ZBTB20: variants seen among roughly 807,000 people sequenced by gnomAD.
ZBTB20 encodes zinc finger and BTB domain containing 20.
A neutral mutation model predicts 56.9 loss-of-function variants in ZBTB20; 9 were observed. The ratio of observed to expected loss-of-function variants is 0.16; its 90% CI spans 0.10 to 0.28. The LOEUF (loss-of-function observed/expected upper bound fraction) is 0.28, where lower values mean the gene tolerates loss of function less well. Ranked by LOEUF, ZBTB20 falls within the 10% of genes least tolerant of loss-of-function variation. The probability of loss-of-function intolerance (pLI) is 1.00; values close to 1 mark genes in which losing one functional copy is unlikely to be tolerated. For synonymous variants in ZBTB20, 417 were observed against 420.7 expected (o/e 0.99, Z 0.11); for missense variants, 655 against 1,003.0 (o/e 0.65, Z 4.69).
At chr3:114,703,020 G>C (rs191039724) in intron 5 of ZBTB20, among the ~76,000 whole-genome samples, 1 of 151,980 alleles carries the variant, frequency 6.6e-6, no homozygotes, top group Non-Finnish European at 1.5e-5. Flanking sequence ...GTGTTAGAGA[G>C]AGTGTGTGTG....
At chr3:114,540,799 T>C (rs1170213466) in intron 6 of ZBTB20, among the ~76,000 whole-genome samples, 1 of 152,084 alleles carries the variant, frequency 6.6e-6, no homozygotes, top group East Asian at 1.9e-4. Flanking sequence ...ATAGCAAATA[T>C]CCCTAATGAA....
At chr3:114,699,295 T>C (rs1314205254) in intron 5 of ZBTB20, among the ~76,000 whole-genome samples, 1 of 152,150 alleles carries the variant, frequency 6.6e-6, no homozygotes, top group East Asian at 1.9e-4. Flanking sequence ...TAAAAAATAC[T>C]GAGACAAATG....
At chr3:114,368,126 A>C (rs1407498938) in intron 10 of ZBTB20, among the ~76,000 whole-genome samples, 1 of 152,200 alleles carries the variant, frequency 6.6e-6, no homozygotes, top group Non-Finnish European at 1.5e-5. Flanking sequence ...CTTTACATGT[A>C]GTGTTCCATC....
intron 1 of ZBTB20, among the ~76,000 whole-genome samples, chr3:115,113,890 A>G (rs192200658): frequency 3.2e-4 from 48 of 152,160 alleles, no homozygotes; most frequent in Admixed American, 2.9e-3. Flanking sequence ...AGACTTTCCA[A>G]CACTTTTGTA....
At chr3:115,116,162 GA>G (rs1179627196) in intron 1 of ZBTB20, among the ~76,000 whole-genome samples, 2 of 151,906 alleles carry the variant, frequency 1.3e-5, no homozygotes, top group Non-Finnish European at 2.9e-5. Context: ...ACAAGGCACA[GA>G]TAACATTTAG....
At chr3:114,394,887 G>T (rs1422059834) in intron 7 of ZBTB20, among the ~76,000 whole-genome samples, 1 of 152,048 alleles carries the variant, frequency 6.6e-6, no homozygotes, top group Non-Finnish European at 1.5e-5. Context: ...ATTGTTTTTA[G>T]ATCCCCAAGG....
At chr3:114,674,581 G>T (rs1033642139) in intron 6 of ZBTB20, among the ~76,000 whole-genome samples, 2 of 151,806 alleles carry the variant, frequency 1.3e-5, no homozygotes, top group African/African-American at 4.8e-5. Context: ...CTACAATGAA[G>T]GAGTACTAGA....
chr3:114,870,189 CTTGA>C (rs2075939157), intron 4 of ZBTB20, among the ~76,000 whole-genome samples: 1 of 152,008 alleles, frequency 6.6e-6, no homozygotes. Context: ...TTATGGGGAT[CTTGA>C]TTAATTGGCT....
At chr3:114,811,163 G>T (rs1370140032) in intron 4 of ZBTB20, among the ~76,000 whole-genome samples, 1 of 152,176 alleles carries the variant, frequency 6.6e-6, no homozygotes, top group Non-Finnish European at 1.5e-5. Context: ...TAATAGCTCA[G>T]AGATCTAAGC....
intron 7 of ZBTB20, among the ~76,000 whole-genome samples, chr3:114,472,115 A>G (rs1026998755): frequency 4.6e-5 from 7 of 152,154 alleles, no homozygotes; most frequent in Admixed American, 2.6e-4. Flanking sequence ...CACTAGTTCT[A>G]CTCTGCACTT....
chr3:114,848,764 A>C (rs1280869079), intron 4 of ZBTB20, among the ~76,000 whole-genome samples: 1 of 152,226 alleles, frequency 6.6e-6, no homozygotes, highest in Non-Finnish European at 1.5e-5. Flanking sequence ...GCTTTTCAGC[A>C]AAAGAATCTG....
At chr3:114,777,793 C>G (rs2069719518) in intron 5 of ZBTB20, among the ~76,000 whole-genome samples, 1 of 152,080 alleles carries the variant, frequency 6.6e-6, no homozygotes, top group East Asian at 1.9e-4. Context: ...GACACATGCA[C>G]ATGTATGTTT....
intron 10 of ZBTB20, among the ~76,000 whole-genome samples, chr3:114,379,599 C>T (rs1356940455): frequency 6.6e-6 from 1 of 152,148 alleles, no homozygotes; most frequent in African/African-American, 2.4e-5. Context: ...CCAAATTTAG[C>T]CCTTAGGCAG....
intron 5 of ZBTB20, among the ~76,000 whole-genome samples, chr3:114,789,838 A>C (rs1331696216): frequency 6.6e-6 from 1 of 152,156 alleles, no homozygotes; most frequent in East Asian, 1.9e-4. Context: ...GTAAATATTT[A>C]AGCAGATTAT....
chr3:115,146,941 G>T (rs933169363), intron 1 of ZBTB20, among the ~76,000 whole-genome samples: 1 of 150,818 alleles, frequency 6.6e-6, no homozygotes, highest in Non-Finnish European at 1.5e-5. Flanking sequence ...CCGCCGGGTC[G>T]GGCGAGGCAG....
chr3:114,812,176 C>G lies in ZBTB20; in HGVS notation c.-416-11002G>C, dbSNP rs543664096. 9.8e-5 allele frequency among the ~76,000 whole-genome samples: 15 copies of G among 152,302 alleles called. No individual in the cohort carries two copies. The South Asian group carries it at 3.1e-3, about 32-fold the overall frequency. On this transcript the variant is annotated intron_variant, in intron 4 of 11. Coordinates refer to ENST00000675478, the MANE Select transcript of ZBTB20 (RefSeq NM_001348800.3). Reference sequence around the variant, plus strand: ...AGTGGACCCCAGCCGGTTGCCACTGCTGGCTCCGGCAGCCTGCTTTCATTC... The same window carrying G: ...AGTGGACCCCAGCCGGTTGCCACTGGTGGCTCCGGCAGCCTGCTTTCATTC...
At chr3:114,627,020 C>G (rs894686629) in intron 6 of ZBTB20, among the ~76,000 whole-genome samples, 12 of 152,178 alleles carry the variant, frequency 7.9e-5, no homozygotes, top group African/African-American at 2.9e-4. Context: ...TCAATCTCTT[C>G]ATGGAATAGT....
At chr3:114,730,042 CCCT>C (rs2065620501) in intron 5 of ZBTB20, among the ~76,000 whole-genome samples, 2 of 149,784 alleles carry the variant, frequency 1.3e-5, no homozygotes, top group African/African-American at 4.9e-5. Context: ...AAGTGATCCT[CCCT>C]CCTTGGCCTC....
intron 3 of ZBTB20, among the ~76,000 whole-genome samples, chr3:114,919,704 C>CA (rs974195153): frequency 0.011 from 1,428 of 125,742 alleles, 21 homozygotes; most frequent in African/African-American, 0.035. Flanking sequence ...GACTCCATCT[C>CA]AAAAAAAAAA....
Sources: gnomAD v4.1 joint callset for allele counts (sites outside exome capture counted in the v4.1 genomes callset) on GRCh38, gnomAD v4.1.1 for gene constraint, MANE v1.5 for transcripts, NCBI Gene and HGNC (gene_info 2026-07-23, HGNC 2026-07-21) for gene names.